Variants in ACSM3 observed in about 807,000 individuals in gnomAD.
ACSM3 encodes acyl-CoA synthetase medium chain family member 3.
A neutral mutation model predicts 74.1 loss-of-function variants in ACSM3; 61 were observed. The observed-to-expected ratio is 0.82, with a 90% confidence interval of 0.67 to 1.02. The LOEUF (loss-of-function observed/expected upper bound fraction) is 1.02, where lower values mean the gene tolerates loss of function less well. Ranked by LOEUF, ACSM3 falls within the 50% of genes least tolerant of loss-of-function variation. The pLI is 0.00. For synonymous variants in ACSM3, 213 were observed against 241.5 expected, an observed-to-expected ratio of 0.88 and a Z score of 1.09; for missense variants, 660 against 697.0, an observed-to-expected ratio of 0.95 and a Z score of 0.60.
chr16:20,780,454 A>G (rs1230748375), intron 4 of ACSM3: 4 of 659,644 alleles, frequency 6.1e-6, no homozygotes, highest in Non-Finnish European at 1.0e-5. Flanking sequence ...AAATGCTTCA[A>G]TCCTTCTTTA....
intron 2 of ACSM3, among the ~76,000 whole-genome samples, chr16:20,774,493 G>A (rs540354258): frequency 2.0e-5 from 3 of 152,226 alleles, no homozygotes; most frequent in Admixed American, 6.5e-5. Flanking sequence ...CGCCCGCCTT[G>A]GCCTCCCAAA....
At chr16:20,748,755 A>C (rs1213881190) in intron 1 of ACSM3, among the ~76,000 whole-genome samples, 1 of 152,140 alleles carries the variant, frequency 6.6e-6, no homozygotes, top group African/African-American at 2.4e-5. Flanking sequence ...TAAACATGTT[A>C]ATATGAAAAG....
intron 1 of ACSM3, chr16:20,736,953 T>C: frequency 6.2e-7 from 1 of 1,614,164 alleles, no homozygotes; most frequent in Non-Finnish European, 8.5e-7. Context: ...GGCTCCTCCC[T>C]CATTTACCAC....
intron 2 of ACSM3, chr16:20,750,063 A>T (rs907441707): frequency 6.6e-6 from 1 of 152,196 alleles, no homozygotes; most frequent in East Asian, 1.9e-4. Context: ...TTAAAAACTG[A>T]AAGTGATTGT....
At chr16:20,795,006 TACA>T (rs1201211167) in intron 12 of ACSM3, among the ~76,000 whole-genome samples, 2 of 152,228 alleles carry the variant, frequency 1.3e-5, no homozygotes, top group Non-Finnish European at 2.9e-5. Context: ...ATGACTCACT[TACA>T]ACAAGCATAA....
upstream of ACSM3, among the ~76,000 whole-genome samples, chr16:20,759,226 G>C (rs2080056139): frequency 6.6e-6 from 1 of 152,170 alleles, no homozygotes; most frequent in Non-Finnish European, 1.5e-5. Flanking sequence ...AATGACCAAT[G>C]ATTTAATCAG....
At chr16:20,684,735 A>G (rs1392771359) in intron 1 of ACSM3, among the ~76,000 whole-genome samples, 1 of 152,202 alleles carries the variant, frequency 6.6e-6, no homozygotes, top group African/African-American at 2.4e-5. Context: ...TAAATAATTC[A>G]GTAAGAAAGG....
intron 1 of ACSM3, chr16:20,698,980 G>C (rs943997487): frequency 6.6e-6 from 1 of 152,210 alleles, no homozygotes; most frequent in East Asian, 1.9e-4. Flanking sequence ...GGGATTCTCA[G>C]AGGAACAATT....
At chr16:20,730,036 G>C (rs1175055027) in intron 1 of ACSM3, among the ~76,000 whole-genome samples, 1 of 152,122 alleles carries the variant, frequency 6.6e-6, no homozygotes, top group Non-Finnish European at 1.5e-5. Flanking sequence ...TAACTCTCAG[G>C]ACTGCATTTG....
intron 1 of ACSM3, among the ~76,000 whole-genome samples, chr16:20,722,501 G>A (rs1425044994): frequency 6.6e-6 from 1 of 152,104 alleles, no homozygotes; most frequent in African/African-American, 2.4e-5. Context: ...TTATCTTATG[G>A]AAGAATAATG....
chr16:20,730,414 T>G lies in ACSM3; in HGVS notation c.-189-19496T>G, dbSNP rs115523854. Among the ~76,000 whole-genome samples, 1,008 of 152,324 alleles carry G rather than the reference T, an allele frequency of 6.6e-3. 17 individuals are homozygous for G. Among genetic ancestry groups the G allele is most frequent in the African/African-American group, 0.023 (948 of 41,556 alleles). ...AACTCTGGCAATGACAATAATAGTCTTAATTCTAGGAAGAAGCCCAATTTT... is the reference window on the plus strand; with the variant it reads ...AACTCTGGCAATGACAATAATAGTCGTAATTCTAGGAAGAAGCCCAATTTT... On this transcript the variant is annotated intron_variant, in intron 1 of 3. Coordinates refer to the ACSM3 transcript ENST00000561584.
intron 3 of ACSM3, among the ~76,000 whole-genome samples, chr16:20,756,086 G>A (rs563531779): frequency 4.6e-5 from 7 of 152,012 alleles, no homozygotes; most frequent in Non-Finnish European, 7.4e-5. Flanking sequence ...TAGTGCCGCA[G>A]TAAACATACG....
chr16:20,752,938 C>T (rs144729170), intron 2 of ACSM3, among the ~76,000 whole-genome samples: 8 of 151,940 alleles, frequency 5.3e-5, no homozygotes, highest in Non-Finnish European at 1.0e-4. Context: ...AGAAACTACA[C>T]GGGACAGAAA....
chr16:20,744,016 C>G lies in ACSM3; in HGVS notation c.-189-5894C>G, dbSNP rs2079947863. On this transcript the variant is annotated intron_variant, in intron 1 of 3. Transcript: ENST00000561584. ...GCTTTAGGCTAAATTTAAGTTTGGC[C>G]TAAATCAAGCTTGTCCAACCTGTTG... Among the ~76,000 whole-genome samples, 3 of 152,168 alleles carry G rather than the reference C, an allele frequency of 2.0e-5. No individual in the cohort carries two copies. In the South Asian group the frequency reaches 6.2e-4, roughly 31 times the overall value.
intron 1 of ACSM3, among the ~76,000 whole-genome samples, chr16:20,688,871 A>T (rs1415435218): frequency 6.6e-6 from 1 of 151,578 alleles, no homozygotes; most frequent in Non-Finnish European, 1.5e-5. Context: ...ATAAAAATCA[A>T]TATTATTATA....
chr16:20,685,117 A>G, intron 1 of ACSM3: 1 of 1,510,552 alleles, frequency 6.6e-7, no homozygotes, highest in Non-Finnish European at 9.2e-7. Context: ...GGCTGGGTGC[A>G]CAGCACCTAA....
intron 1 of ACSM3, chr16:20,764,687 C>T (rs888825486): frequency 1.3e-5 from 2 of 152,266 alleles, no homozygotes; most frequent in African/African-American, 2.4e-5. Context: ...TGCATCACTG[C>T]ACTCCAGCCT....
At chr16:20,746,637 T>C (rs1374310230) in intron 1 of ACSM3, among the ~76,000 whole-genome samples, 2 of 152,226 alleles carry the variant, frequency 1.3e-5, no homozygotes, top group Admixed American at 1.3e-4. Context: ...TGTGCTTTCA[T>C]TACACCCAGA....
At chr16:20,704,184 A>G (rs1236803159) in intron 1 of ACSM3, among the ~76,000 whole-genome samples, 1 of 152,196 alleles carries the variant, frequency 6.6e-6, no homozygotes, top group East Asian at 1.9e-4. Context: ...TTAGGCAGCT[A>G]TATAATATGG....
Sources: gnomAD v4.1 joint callset for allele counts (sites outside exome capture counted in the v4.1 genomes callset) on GRCh38, gnomAD v4.1.1 for gene constraint, MANE v1.5 for transcripts, NCBI Gene and HGNC (gene_info 2026-07-23, HGNC 2026-07-21) for gene names.